RASSF1: variants seen among roughly 807,000 people sequenced by gnomAD.
The protein encoded by RASSF1 is ras association domain-containing protein 1.
A neutral mutation model predicts 34.3 loss-of-function variants in RASSF1; 33 were observed. That is an observed-to-expected ratio of 0.96 (90% confidence interval 0.73 to 1.29). The LOEUF (loss-of-function observed/expected upper bound fraction) is 1.29. Ranked by LOEUF, RASSF1 falls within the 50% of genes most tolerant of loss-of-function variation. The pLI is 0.00. For synonymous variants in RASSF1, 191 were observed against 195.0 expected (o/e 0.98, Z 0.17); for missense variants, 445 against 471.8 (o/e 0.94, Z 0.53).
chr3:50,333,368 C>T (rs1703013652), intron 2 of RASSF1, among the ~76,000 whole-genome samples: 1 of 152,242 alleles, frequency 6.6e-6, no homozygotes, highest in African/African-American at 2.4e-5. Context: ...AACCTTGACC[C>T]AAGCTGCATA....
chr3:50,338,723 T>A (rs1260417412), intron 1 of RASSF1, among the ~76,000 whole-genome samples: 2 of 152,116 alleles, frequency 1.3e-5, no homozygotes, highest in Non-Finnish European at 2.9e-5. Context: ...CTCTAATCCT[T>A]CGCCTTCACT....
chr3:50,332,044 A>T lies in RASSF1; in HGVS notation c.462+6T>A, dbSNP rs1458838866. On this transcript the variant is annotated splice_donor_region_variant and intron_variant, in intron 3 of 5. Transcript: ENST00000359365. The stretch of plus-strand genomic sequence containing the variant: ...CCCACGCCCCCTTCCTGAGCAGTCA[A>T]CTCACCAAGCTCATGAAGAGGTTGC... The T allele has an allele frequency of 6.2e-7, 1 of 1,613,230 alleles. No individual in the cohort carries two copies.
At chr3:50,333,516 G>A (rs1244610839) in intron 2 of RASSF1, among the ~76,000 whole-genome samples, 1 of 151,128 alleles carries the variant, frequency 6.6e-6, no homozygotes, top group Admixed American at 6.6e-5. Context: ...TCACTCTGTC[G>A]CCCAGGCTGT....
chr3:50,339,913 C>T (rs1703300369), intron 1 of RASSF1, among the ~76,000 whole-genome samples: 3 of 152,282 alleles, frequency 2.0e-5, no homozygotes, highest in Admixed American at 1.3e-4. Context: ...AACAGGTCTG[C>T]GGTGGGATCC....
Position 50,340,137 on chromosome 3 carries a change from C to A in RASSF1, c.250+419G>T, listed in dbSNP as rs587605371. Among the ~76,000 whole-genome samples, 399 of 152,216 alleles carry A rather than the reference C, an allele frequency of 2.6e-3. 2 individuals carry two copies. Among genetic ancestry groups the A allele is most frequent in the African/African-American group, 9.2e-3 (383 of 41,556 alleles). On this transcript the variant is annotated intron_variant, in intron 1 of 5. Coordinates refer to ENST00000359365, the MANE Select transcript of RASSF1 (RefSeq NM_007182.5). ...AAACTCCTGCTTGCAGGGGGCCCAC[C>A]AAAGGTTCTAAATTTTTCCAGGCTC...
At chr3:50,334,465 T>C (rs1703054984) in intron 2 of RASSF1, among the ~76,000 whole-genome samples, 1 of 152,176 alleles carries the variant, frequency 6.6e-6, no homozygotes, top group Admixed American at 6.5e-5. Context: ...ATGTGTTTGT[T>C]CAGTACACCA....
At chr3:50,334,308 C>G (rs1037979117) in intron 2 of RASSF1, among the ~76,000 whole-genome samples, 1 of 152,158 alleles carries the variant, frequency 6.6e-6, no homozygotes, top group African/African-American at 2.4e-5. Context: ...CCCAAGTATC[C>G]AAAGGTCTCC....
chr3:50,340,409 C>T (rs962120876), intron 1 of RASSF1, 147 bp downstream of exon 1: 7 of 1,134,242 alleles, frequency 6.2e-6, no homozygotes, highest in Non-Finnish European at 7.0e-6. Context: ...CATTTTCGCG[C>T]ACTCTTCAGC....
At chr3:50,338,309 T>G (rs1703239124) in intron 1 of RASSF1, 1 of 925,132 alleles carries the variant, frequency 1.1e-6, no homozygotes, top group African/African-American at 1.7e-5. Context: ...AACTGCGTCT[T>G]GCTTTTGTCA....
Position 50,331,349 on chromosome 3 carries a change from G to A in RASSF1, c.861C>T (p.Asp287=), listed in dbSNP as rs781746336. Residue 287 remains aspartate (D), a synonymous_variant, in exon 5 of 6, where the codon GAC becomes GAT. Coordinates refer to ENST00000359365, the MANE Select transcript of RASSF1 (RefSeq NM_007182.5). ...ATGTACTCACGTTCACCTCCCCAGA[G>A]TCATTTTCCTTCAGGACAAAGCTCA... ...KALSFVLKEN[D]SGEVNWDAFS... is the part of the protein sequence containing the mutation. The A allele has an allele frequency of 3.8e-6, 6 of 1,597,862 alleles. No homozygotes were observed. Among genetic ancestry groups the A allele is most frequent in the African/African-American group, 2.7e-5 (2 of 74,286 alleles).
At chr3:50,337,593 G>A in intron 2 of RASSF1, 1 of 1,265,276 alleles carries the variant, frequency 7.9e-7, no homozygotes, top group Non-Finnish European at 1.1e-6. Flanking sequence ...GAACGGGGGC[G>A]GGTGCCAGCG....
intron 5 of RASSF1, 110 bp downstream of exon 5, chr3:50,331,224 T>C (rs1702921964): frequency 1.2e-6 from 1 of 860,144 alleles, no homozygotes; most frequent in Non-Finnish European, 1.7e-6. Flanking sequence ...CTCCTGGAAC[T>C]GTTTTGCAGG....
Position 50,330,363 on chromosome 3 carries a change from G to T in RASSF1, c.*218C>A. 4 of 601,756 alleles carry T rather than the reference G, an allele frequency of 6.6e-6. No individual in the cohort carries two copies. In the South Asian group the frequency reaches 9.0e-5, roughly 13 times the overall value. The allele number at this position is 601,756 out of a possible 1,614,324, so 37.3% of individuals were successfully genotyped here. On this transcript the variant is annotated 3_prime_UTR_variant, in exon 6 of 6. Coordinates refer to ENST00000359365, the MANE Select transcript of RASSF1 (RefSeq NM_007182.5). This position sits in a 1 kb window ranked among gnomAD's most constrained non-coding sequence, Gnocchi z 4.5. ...TCTCAGGGCAGCCCTGGCCCACTAA[G>T]GCCCAGTAATGAGGGCAGAGGGGTG... is the stretch of plus-strand genomic sequence containing the variant.
Position 50,331,867 on chromosome 3 carries a change from A to G in RASSF1, c.463-11T>C, listed in dbSNP as rs1168758357. The G allele has an allele frequency of 1.3e-6, 2 of 1,550,742 alleles. No homozygotes were observed. The highest frequency in any genetic ancestry group is 1.9e-5 in the Admixed American group (1 of 52,302). On this transcript the variant is annotated splice_polypyrimidine_tract_variant and intron_variant, in intron 3 of 5. Transcript: ENST00000359365. ...AGAACCGTCCTTGTTCTAAAGAAAT[A>G]GAGAAACCAAACCTTGATAATAGGT...
chr3:50,332,716 C>T (rs142004876), intron 2 of RASSF1, among the ~76,000 whole-genome samples: 2 of 152,156 alleles, frequency 1.3e-5, no homozygotes, highest in East Asian at 1.9e-4. Context: ...CGTTTGAGCC[C>T]GGGAGATTGC....
chr3:50,337,606 C>T, intron 2 of RASSF1: 1 of 1,189,650 alleles, frequency 8.4e-7, no homozygotes, highest in Non-Finnish European at 1.2e-6. Context: ...TGCCAGCGTC[C>T]GGGCAAGCGC....
rs781031818 is a variant in RASSF1, at chr3:50,337,911, C to G, written c.351G>C (p.Thr117=). ...LGWEPAVERD[T]NVDEPVEWET... is the part of the protein sequence containing the mutation. ...CCCTCGGCCCCGCGCTCACCACGTT[C>G]GTGTCCCGCTCCACCGCGGGTTCCC... Residue 117 remains threonine (T), a synonymous_variant, in exon 2 of 6, where the codon ACG becomes ACC. Coordinates refer to ENST00000359365, the MANE Select transcript of RASSF1 (RefSeq NM_007182.5). 2 of 1,606,210 alleles carry G rather than the reference C, an allele frequency of 1.2e-6. No homozygotes were observed. The highest frequency in any genetic ancestry group is 1.7e-6 in the Non-Finnish European group (2 of 1,173,626).
intron 2 of RASSF1, chr3:50,337,450 T>C (rs1467697234): frequency 6.3e-6 from 10 of 1,575,658 alleles, no homozygotes; most frequent in Middle Eastern, 1.7e-4. Context: ...CCGTTAAGAC[T>C]GAAACGTAGA....
intron 2 of RASSF1, chr3:50,337,426 G>C (rs1337226301): frequency 6.3e-7 from 1 of 1,580,584 alleles, no homozygotes; most frequent in Non-Finnish European, 8.6e-7. Flanking sequence ...GCCCGGGCCA[G>C]AGCCGCGCCG....
Sources: allele counts gnomAD v4.1 joint callset (sites outside exome capture counted in the v4.1 genomes callset), GRCh38; gene constraint gnomAD v4.1.1; non-coding constraint Gnocchi (gnomAD v3.1); transcripts MANE v1.5; gene names NCBI Gene and HGNC (gene_info 2026-07-23, HGNC 2026-07-21).